The following P4HA2 variants were observed in gnomAD, a reference collection of about 807,000 sequenced individuals.
The protein encoded by P4HA2 is prolyl 4-hydroxylase subunit alpha 2.
In P4HA2, 46 loss-of-function variants were observed where a neutral mutation model predicts 76.9. That is an observed-to-expected ratio of 0.60 (90% CI 0.47 to 0.76). P4HA2 has a LOEUF of 0.76. P4HA2 is among the 30% of genes least tolerant of loss of function. The pLI, the probability that P4HA2 is intolerant of heterozygous loss-of-function variation, is 0.00. For missense variants in P4HA2, 583 were observed against 669.4 expected, an observed-to-expected ratio of 0.87 and a Z score of 1.42; for synonymous variants, 243 against 254.0, an observed-to-expected ratio of 0.96 and a Z score of 0.41.
In P4HA2 at chr5:132,209,452, C is replaced by T. The variant is rs1752739872; in HGVS notation, c.710-121G>A. ...TCACCTGCATGCTGCATTCTACCTT[C>T]CACAGCATCTAACCAGAGTACGCTG... On this transcript the variant is annotated intron_variant, in intron 6 of 14. Transcript: ENST00000360568. The T allele has an allele frequency of 3.7e-6, 3 of 811,074 alleles. No individual in the cohort carries two copies. The South Asian group carries it at 4.9e-5, about 13-fold the overall frequency. 50.2% of individuals were successfully genotyped at this position (811,074 alleles called of 1,614,324 possible).
intron 8 of P4HA2, among the ~76,000 whole-genome samples, chr5:132,204,905 G>A (rs963538019): frequency 4.6e-5 from 7 of 152,254 alleles, no homozygotes; most frequent in Non-Finnish European, 1.0e-4. Flanking sequence ...CCCCAAGGGG[G>A]ACTCGCCGCC....
intron 10 of P4HA2, chr5:132,201,833 T>G (rs1450490758): frequency 6.6e-6 from 1 of 152,102 alleles, no homozygotes; most frequent in Admixed American, 6.5e-5. Flanking sequence ...AGGGATACAG[T>G]GAGTACAGCC....
chr5:132,207,921 A>T, intron 7 of P4HA2, 37 bp from the exon 8 acceptor site: 1 of 1,498,070 alleles, frequency 6.7e-7, no homozygotes, highest in Non-Finnish European at 9.0e-7. Flanking sequence ...GAGCTGAGTG[A>T]GTCCTAATCC....
chr5:132,195,587 G>C, intron 12 of P4HA2, 107 bp from the exon 13 acceptor site: 1 of 804,566 alleles, frequency 1.2e-6, no homozygotes, highest in Non-Finnish European at 2.1e-6. Context: ...CTCAGCATGA[G>C]TGACACTACT....
At chr5:132,223,215 A>T (rs1169026934) in intron 1 of P4HA2, among the ~76,000 whole-genome samples, 2 of 152,236 alleles carry the variant, frequency 1.3e-5, no homozygotes, top group African/African-American at 4.8e-5. Context: ...CTCTGTGCAG[A>T]GTAGCCAGCT....
chr5:132,213,841 T>C (rs1753455413), intron 5 of P4HA2, 75 bp downstream of exon 5: 5 of 1,443,166 alleles, frequency 3.5e-6, no homozygotes, highest in Non-Finnish European at 4.8e-6. Flanking sequence ...AGGCCACAAG[T>C]TGGTGGTGGC....
intron 4 of P4HA2, among the ~76,000 whole-genome samples, chr5:132,215,012 A>G (rs1753642240): frequency 1.3e-5 from 2 of 152,214 alleles, no homozygotes; most frequent in Admixed American, 1.3e-4. Flanking sequence ...GAGGGGAACA[A>G]CAAGGCCATT....
chr5:132,223,814 C>T (rs989018639), intron 1 of P4HA2, among the ~76,000 whole-genome samples: 14 of 152,230 alleles, frequency 9.2e-5, no homozygotes, highest in African/African-American at 3.4e-4. Context: ...AGGTTTCCTA[C>T]ATATCTGACA....
intron 1 of P4HA2, among the ~76,000 whole-genome samples, chr5:132,220,358 G>C (rs1049988494): frequency 1.3e-5 from 2 of 152,236 alleles, no homozygotes; most frequent in African/African-American, 4.8e-5. Flanking sequence ...TATGTATGTA[G>C]GGAGGGGACA....
intron 5 of P4HA2, among the ~76,000 whole-genome samples, chr5:132,212,064 A>G (rs1303737185): frequency 2.0e-5 from 3 of 152,148 alleles, no homozygotes; most frequent in Non-Finnish European, 4.4e-5. Flanking sequence ...AGCTGAGCTG[A>G]GTGCTGATAG....
intron 14 of P4HA2, among the ~76,000 whole-genome samples, chr5:132,194,148 G>C (rs1580634394): frequency 1.3e-5 from 2 of 151,804 alleles, no homozygotes; most frequent in African/African-American, 4.8e-5. Context: ...TAAATCATAA[G>C]TTTTAGTTAA....
chr5:132,194,698 T>A (rs1238187056), intron 14 of P4HA2, among the ~76,000 whole-genome samples: 1 of 152,234 alleles, frequency 6.6e-6, no homozygotes, highest in Non-Finnish European at 1.5e-5. Flanking sequence ...TCCTCAGGCC[T>A]TCTTCAGCTT....
At chr5:132,211,898 G>A (rs1753142188) in intron 5 of P4HA2, among the ~76,000 whole-genome samples, 1 of 152,134 alleles carries the variant, frequency 6.6e-6, no homozygotes, top group African/African-American at 2.4e-5. Flanking sequence ...GACATATGAA[G>A]ATGTCTCCTA....
intron 12 of P4HA2, 52 bp downstream of exon 12, chr5:132,198,269 A>G: frequency 6.2e-7 from 1 of 1,614,242 alleles, no homozygotes; most frequent in East Asian, 2.2e-5. Context: ...CTCGCTCATC[A>G]TTCTACAAAA....
chr5:132,206,383 C>T (rs1158580271), intron 8 of P4HA2, among the ~76,000 whole-genome samples: 1 of 152,164 alleles, frequency 6.6e-6, no homozygotes, highest in Non-Finnish European at 1.5e-5. Context: ...ACTCAAAGCC[C>T]TAGATGTCCT....
intron 10 of P4HA2, 60 bp from the exon 11 acceptor site, chr5:132,198,992 T>C (rs145126063): frequency 3.5e-6 from 4 of 1,138,120 alleles, no homozygotes; most frequent in African/African-American, 3.0e-5. Flanking sequence ...TAGCAGCCAA[T>C]CACTCTAGGG....
At chr5:132,194,353 T>C (rs889216124) in intron 14 of P4HA2, among the ~76,000 whole-genome samples, 4 of 152,122 alleles carry the variant, frequency 2.6e-5, no homozygotes, top group African/African-American at 9.7e-5. Context: ...GGCTACACAC[T>C]CATCTCCTTA....
chr5:132,198,228 C>A (rs200907354), intron 12 of P4HA2, 93 bp downstream of exon 12: 8 of 1,614,048 alleles, frequency 5.0e-6, no homozygotes, highest in African/African-American at 1.3e-5. Flanking sequence ...AGTAGCCACA[C>A]GATTCCCCGT....
intron 14 of P4HA2, 55 bp from the exon 15 acceptor site, chr5:132,193,135 A>T: frequency 8.4e-7 from 1 of 1,194,356 alleles, no homozygotes; most frequent in South Asian, 1.2e-5. Context: ...AGTAGCCTGA[A>T]TGAATGACTC....
Sources: gnomAD v4.1 joint callset for allele counts (sites outside exome capture counted in the v4.1 genomes callset) on GRCh38, gnomAD v4.1.1 for gene constraint, MANE v1.5 for transcripts, NCBI Gene and HGNC (gene_info 2026-07-23, HGNC 2026-07-21) for gene names.